The following PTCHD4 variants were observed in gnomAD, a reference collection of about 807,000 sequenced individuals.
PTCHD4 encodes the protein patched domain containing 4, also known as patched domain-containing protein 4.
A neutral mutation model predicts 58.1 loss-of-function variants in PTCHD4; 33 were observed. That is an observed-to-expected ratio of 0.57 (90% CI 0.43 to 0.76). PTCHD4 has a LOEUF of 0.76. Among genes scored for constraint, PTCHD4 ranks in the 30% least tolerant of loss-of-function variants. The pLI is 0.00. For synonymous variants in PTCHD4, 478 were observed against 409.6 expected, an observed-to-expected ratio of 1.17 and a Z score of -2.02; for missense variants, 1,058 against 1,027.1, an observed-to-expected ratio of 1.03 and a Z score of -0.41.
chr6:48,053,711 C>T (rs1465686383), intron 3 of PTCHD4, among the ~76,000 whole-genome samples: 6 of 152,054 alleles, frequency 3.9e-5, no homozygotes, highest in Non-Finnish European at 5.9e-5. Flanking sequence ...CAATGATAAG[C>T]AATCCGGGAC....
At chr6:48,096,389 A>G (rs1422718970) in intron 1 of PTCHD4, among the ~76,000 whole-genome samples, 1 of 152,168 alleles carries the variant, frequency 6.6e-6, no homozygotes, top group East Asian at 1.9e-4. Context: ...AGGTTGGCAG[A>G]TAACCTGAGG....
rs577525968 is a variant in PTCHD4 at position 47,991,608 on chromosome 6, C to T, written c.898+17026G>A. On this transcript the variant is annotated intron_variant, in intron 4 of 4. Transcript: ENST00000339488. ...TATGAGCTGTATCGAAAAGAAATAA[C>T]GAGGTCTAATGAAGTTTAAAAAAAA... Among the ~76,000 whole-genome samples the T allele has an allele frequency of 3.3e-4, 50 of 151,568 alleles. No homozygotes were observed. The South Asian group carries it at 8.1e-3, about 25-fold the overall frequency.
intron 1 of PTCHD4, among the ~76,000 whole-genome samples, chr6:48,091,559 G>A (rs1385272963): frequency 6.6e-6 from 1 of 152,028 alleles, no homozygotes; most frequent in Non-Finnish European, 1.5e-5. Flanking sequence ...CACACCCAAG[G>A]TCTATTGAAG....
rs192142925 is a variant in PTCHD4, at chr6:47,989,856, C to T, written c.898+18778G>A. Among the ~76,000 whole-genome samples, 938 of 152,218 alleles carry T rather than the reference C, an allele frequency of 6.2e-3. 6 individuals carry two copies. Among genetic ancestry groups the T allele is most frequent in the South Asian group, 0.033 (161 of 4,816 alleles). On this transcript the variant is annotated intron_variant, in intron 4 of 4. Transcript: ENST00000339488. ...CGGGGCACCACCTAGTGGAGCTGTGCGAAGAAGGCCACTGTCTTCCAGACC... is the reference window on the plus strand; with the variant it reads ...CGGGGCACCACCTAGTGGAGCTGTGTGAAGAAGGCCACTGTCTTCCAGACC...
intron 3 of PTCHD4, among the ~76,000 whole-genome samples, chr6:48,064,611 G>A (rs1764736806): frequency 6.6e-6 from 1 of 152,026 alleles, no homozygotes; most frequent in Non-Finnish European, 1.5e-5. Flanking sequence ...GACAGCTGGA[G>A]AATACAAAGA....
Position 48,068,676 on chromosome 6 carries a change from G to T in PTCHD4, c.6-35C>A, listed in dbSNP as rs1331435530. The stretch of plus-strand genomic sequence containing the variant: ...CACATGTGACATGTGTAAGCGCCGG[G>T]CTACCCCGTTCTCCCCCATCCCACC... On this transcript the variant is annotated intron_variant, in intron 2 of 4. Coordinates refer to ENST00000339488, the MANE Select transcript of PTCHD4 (RefSeq NM_001384253.1). The surrounding 1 kb of genome is among the most constrained non-coding windows in gnomAD (Gnocchi z 4.2). The T allele has an allele frequency of 1.3e-6, 2 of 1,511,172 alleles. No individual in the cohort carries two copies. The highest frequency in any genetic ancestry group is 8.8e-7 in the Non-Finnish European group (1 of 1,133,580). The allele number at this position is 1,511,172 out of a possible 1,614,324, so 93.6% of individuals were successfully genotyped here.
chr6:47,878,428 A>G lies in PTCHD4; in HGVS notation c.2407T>C (p.Phe803Leu). 6.2e-7 allele frequency: 1 copy of G among 1,613,578 alleles called. No individual in the cohort carries two copies. The highest frequency in any genetic ancestry group is 8.5e-7 in the Non-Finnish European group (1 of 1,179,710). Residue 803 changes from phenylalanine (F) to leucine (L), a missense_variant, in exon 5 of 5, where the codon TTC becomes CTC. Transcript: ENST00000339488. ...TTGGAAGGGGGGAAAAACGTTAGGA[A>G]CACAGGTAAAATAACAAAACAGTGC... is the stretch of plus-strand genomic sequence containing the variant. The part of the protein sequence containing the change: ...LLHCFVILPV[F>L]LTFFPPSKKH...
At chr6:47,880,594 G>C (rs560251740) in intron 4 of PTCHD4, among the ~76,000 whole-genome samples, 12 of 152,186 alleles carry the variant, frequency 7.9e-5, no homozygotes, top group Admixed American at 6.6e-4. Context: ...AAAAATCTTA[G>C]CAAGCACTTC....
At chr6:47,996,246 A>T (rs1202571887) in intron 4 of PTCHD4, among the ~76,000 whole-genome samples, 3 of 152,128 alleles carry the variant, frequency 2.0e-5, no homozygotes, top group Non-Finnish European at 4.4e-5. Context: ...AGGCGAGCGG[A>T]TCACTTGAGG....
intron 4 of PTCHD4, among the ~76,000 whole-genome samples, chr6:47,962,387 A>G (rs1239151344): frequency 6.6e-6 from 1 of 152,142 alleles, no homozygotes; most frequent in Non-Finnish European, 1.5e-5. Flanking sequence ...TTTTCAAACT[A>G]TATGATATGG....
At chr6:47,986,050 T>C (rs184525243) in intron 4 of PTCHD4, among the ~76,000 whole-genome samples, 56 of 152,248 alleles carry the variant, frequency 3.7e-4, no homozygotes, top group Middle Eastern at 6.8e-3. Flanking sequence ...ATAAGAAGTA[T>C]GTCTGAGGTT....
intron 4 of PTCHD4, among the ~76,000 whole-genome samples, chr6:47,888,272 G>T (rs1175323181): frequency 6.6e-6 from 1 of 152,172 alleles, no homozygotes; most frequent in African/African-American, 2.4e-5. Context: ...CAGGAGAATG[G>T]GGTGAACCCG....
intron 4 of PTCHD4, among the ~76,000 whole-genome samples, chr6:47,978,013 C>T (rs1754404494): frequency 6.6e-6 from 1 of 152,136 alleles, no homozygotes; most frequent in African/African-American, 2.4e-5. Context: ...CAACTCTAGT[C>T]GTTCCTTAAG....
chr6:47,993,444 A>G (rs892317494), intron 4 of PTCHD4, among the ~76,000 whole-genome samples: 20 of 152,232 alleles, frequency 1.3e-4, no homozygotes, highest in African/African-American at 4.6e-4. Context: ...TAGGAATTAT[A>G]AAAGTAGGTA....
intron 1 of PTCHD4, among the ~76,000 whole-genome samples, chr6:48,088,460 G>T (rs1027536108): frequency 1.4e-4 from 22 of 152,092 alleles, no homozygotes; most frequent in African/African-American, 4.8e-4. Context: ...TAGTGTTAAA[G>T]ACGACTATGG....
intron 4 of PTCHD4, among the ~76,000 whole-genome samples, chr6:47,969,744 G>C (rs1279575541): frequency 6.6e-6 from 1 of 152,026 alleles, no homozygotes; most frequent in Non-Finnish European, 1.5e-5. Flanking sequence ...AAACTTCAGG[G>C]CATTTAAAAT....
rs989805414 is a variant in PTCHD4, at chr6:48,069,940, G to T, written c.-969-14C>A. Among the ~76,000 whole-genome samples the T allele has an allele frequency of 2.6e-5, 4 of 152,020 alleles. No homozygotes were observed. The highest frequency in any genetic ancestry group is 5.9e-5 in the Non-Finnish European group (4 of 68,010). Reference sequence around the variant, plus strand: ...AGGTAGTTTTGCCTGAAAAAAAAGAGAGTCGGGTGGGTAGAGGGAAACCTA... The same window carrying T: ...AGGTAGTTTTGCCTGAAAAAAAAGATAGTCGGGTGGGTAGAGGGAAACCTA... On this transcript the variant is annotated splice_polypyrimidine_tract_variant and intron_variant, in intron 1 of 4. Coordinates refer to ENST00000339488, the MANE Select transcript of PTCHD4 (RefSeq NM_001384253.1).
At chr6:48,017,610 C>T (rs1406121214) in intron 3 of PTCHD4, among the ~76,000 whole-genome samples, 2 of 152,156 alleles carry the variant, frequency 1.3e-5, no homozygotes, top group Non-Finnish European at 2.9e-5. Context: ...CATAAGAATT[C>T]TATTCTCATT....
intron 4 of PTCHD4, among the ~76,000 whole-genome samples, chr6:47,966,424 C>A (rs1196437349): frequency 6.6e-6 from 1 of 152,136 alleles, no homozygotes; most frequent in East Asian, 1.9e-4. Flanking sequence ...TGGTGAAGGG[C>A]CTTGCCTCAA....
Sources: gnomAD v4.1 joint callset for allele counts (sites outside exome capture counted in the v4.1 genomes callset) on GRCh38, gnomAD v4.1.1 for gene constraint, Gnocchi (gnomAD v3.1) non-coding constraint, MANE v1.5 for transcripts, NCBI Gene and HGNC (gene_info 2026-07-23, HGNC 2026-07-21) for gene names.